Variants in DAB1 observed in about 807,000 individuals in gnomAD.
DAB1 encodes the protein DAB adaptor protein 1.
In DAB1, 15 loss-of-function variants were observed where a neutral mutation model predicts 64.6. The observed-to-expected ratio is 0.23, with a 90% CI of 0.16 to 0.36. DAB1 has a LOEUF of 0.36. Among genes scored for constraint, DAB1 ranks in the 10% least tolerant of loss-of-function variants. The probability of loss-of-function intolerance (pLI) is 1.00; values close to 1 mark genes in which losing one functional copy is unlikely to be tolerated. For synonymous variants in DAB1, 235 were observed against 251.9 expected, an observed-to-expected ratio of 0.93 and a Z score of 0.64; for missense variants, 596 against 706.7, an observed-to-expected ratio of 0.84 and a Z score of 1.78.
rs145439663 is a variant in DAB1 at position 57,471,660 on chromosome 1, G to A, written n.625+177932C>T. The stretch of plus-strand genomic sequence containing the variant: ...CACAAGCACTCATTTCTTGTCTGCC[G>A]CCATGTAAGACATACCTTTCACCTT... On this transcript the variant is annotated intron_variant and non_coding_transcript_variant, in intron 7 of 20. Transcript: ENST00000485760. Among the ~76,000 whole-genome samples, 42 of 152,232 alleles carry A rather than the reference G, an allele frequency of 2.8e-4. No homozygotes were observed. The East Asian group carries it at 6.2e-3, about 22-fold the overall frequency.
At chr1:57,904,608 C>A (rs902789563) in intron 5 of DAB1, among the ~76,000 whole-genome samples, 1 of 152,134 alleles carries the variant, frequency 6.6e-6, no homozygotes, top group Non-Finnish European at 1.5e-5. Flanking sequence ...CCTTTTGGAG[C>A]AGGAGATAAT....
At chr1:57,824,815 A>C (rs1328694722), downstream of DAB1, among the ~76,000 whole-genome samples, 4 of 152,256 alleles carry the variant, frequency 2.6e-5, no homozygotes. Context: ...TTCCAGCAGC[A>C]GCTGGGCAGA....
intron 6 of DAB1, among the ~76,000 whole-genome samples, chr1:57,710,770 A>G (rs1210709207): frequency 6.6e-6 from 1 of 152,096 alleles, no homozygotes; most frequent in East Asian, 1.9e-4. Context: ...TGTGGAATAA[A>G]GAGTTTAATA....
intron 7 of DAB1, among the ~76,000 whole-genome samples, chr1:57,496,358 AAC>A (rs1227775778): frequency 2.0e-5 from 3 of 152,178 alleles, no homozygotes; most frequent in African/African-American, 7.2e-5. Flanking sequence ...TGCAATAAAA[AAC>A]TCTCTCTTGG....
At chr1:57,920,037 T>C (rs1644785852) in intron 5 of DAB1, among the ~76,000 whole-genome samples, 1 of 152,226 alleles carries the variant, frequency 6.6e-6, no homozygotes, top group African/African-American at 2.4e-5. Context: ...GTGTACTATC[T>C]GATTTACCTT....
Position 57,252,201 on chromosome 1 carries a change from C to T in DAB1, c.67+38763G>A, listed in dbSNP as rs61765654. ...TTGCGCTTAAAAATTTTTCATCCAT[C>T]ACTGACTAATTATCAGCGCAAATCT... On this transcript the variant is annotated intron_variant, in intron 2 of 14. Transcript: ENST00000371236. Among the ~76,000 whole-genome samples the T allele has an allele frequency of 7.7e-3, 1,168 of 152,292 alleles. 31 individuals are homozygous for T. The East Asian group carries it at 0.08, about 10-fold the overall frequency.
At chr1:58,027,212 T>C (rs181985292) in intron 5 of DAB1, among the ~76,000 whole-genome samples, 1 of 152,282 alleles carries the variant, frequency 6.6e-6, no homozygotes, top group East Asian at 1.9e-4. Context: ...TATGAGGTTT[T>C]TATAAAAGCA....
intron 5 of DAB1, among the ~76,000 whole-genome samples, chr1:58,012,102 C>T (rs538220368): frequency 6.6e-6 from 1 of 152,270 alleles, no homozygotes. Flanking sequence ...AGAGATGAGT[C>T]ACAAACTGTT....
chr1:57,789,735 A>G (rs915011847), intron 6 of DAB1, among the ~76,000 whole-genome samples: 1 of 152,222 alleles, frequency 6.6e-6, no homozygotes. Context: ...ACAAACATTC[A>G]ATTAATAGCA....
At chr1:58,435,129 T>C (rs765662384) in intron 3 of DAB1, among the ~76,000 whole-genome samples, 1 of 152,184 alleles carries the variant, frequency 6.6e-6, no homozygotes, top group Non-Finnish European at 1.5e-5. Flanking sequence ...GTTCATCCAA[T>C]GGGAGATTGG....
chr1:57,492,198 G>A (rs1644173783), intron 7 of DAB1, among the ~76,000 whole-genome samples: 1 of 152,228 alleles, frequency 6.6e-6, no homozygotes. Flanking sequence ...CAGGAGCAAA[G>A]AGGCAGCTGA....
chr1:57,096,135 C>G (rs1022425066), intron 4 of DAB1, among the ~76,000 whole-genome samples: 11 of 152,202 alleles, frequency 7.2e-5, no homozygotes, highest in Admixed American at 7.2e-4. Flanking sequence ...ATAGGGAAAT[C>G]GAAGCTGAGA....
At chr1:58,443,649 C>T (rs1347719134) in intron 3 of DAB1, among the ~76,000 whole-genome samples, 4 of 152,144 alleles carry the variant, frequency 2.6e-5, no homozygotes, top group African/African-American at 9.7e-5. Context: ...TAGGTGAGAA[C>T]TCTCTGTACT....
At chr1:57,590,735 A>AACACACAC (rs58957864) in intron 7 of DAB1, among the ~76,000 whole-genome samples, 2,263 of 132,386 alleles carry the variant, frequency 0.017, 37 homozygotes, top group African/African-American at 0.041. Context: ...TGTAGTCCGT[A>AACACACAC]ACACACACAC....
intron 4 of DAB1, among the ~76,000 whole-genome samples, chr1:58,290,671 AT>A (rs1661799020): frequency 6.6e-6 from 1 of 152,190 alleles, no homozygotes; most frequent in Non-Finnish European, 1.5e-5. Flanking sequence ...GAAAAGCTGT[AT>A]TCTGGTCTCA....
At chr1:58,520,812 A>G (rs1646250149) in intron 2 of DAB1, among the ~76,000 whole-genome samples, 2 of 152,204 alleles carry the variant, frequency 1.3e-5, no homozygotes. Flanking sequence ...TGTACACGGC[A>G]AAAATTAATA....
At chr1:57,543,154 G>A (rs984104919) in intron 7 of DAB1, among the ~76,000 whole-genome samples, 6 of 152,130 alleles carry the variant, frequency 3.9e-5, no homozygotes, top group Non-Finnish European at 8.8e-5. Context: ...CTCAGGAATC[G>A]TGTGAAATAA....
intron 3 of DAB1, chr1:58,480,838 G>A (rs1645467085): frequency 1.7e-6 from 1 of 605,616 alleles, no homozygotes; most frequent in Admixed American, 3.4e-5. Context: ...GATAATATCT[G>A]TAATGTACAT....
chr1:57,256,789 C>A (rs565123218), intron 2 of DAB1, among the ~76,000 whole-genome samples: 4 of 152,300 alleles, frequency 2.6e-5, no homozygotes, highest in East Asian at 3.9e-4. Context: ...ATGGGACAAG[C>A]CTTGGCTTTC....
Sources: allele counts gnomAD v4.1 joint callset (sites outside exome capture counted in the v4.1 genomes callset), GRCh38; gene constraint gnomAD v4.1.1; transcripts MANE v1.5; gene names NCBI Gene and HGNC (gene_info 2026-07-23, HGNC 2026-07-21).